CDH13: variants seen among roughly 807,000 people sequenced by gnomAD.
The protein encoded by CDH13 is cadherin 13.
CDH13 carries 24 observed loss-of-function variants against 63.8 expected under a neutral mutation model. The observed-to-expected ratio is 0.38, with a 90% CI of 0.27 to 0.53. CDH13 has a LOEUF of 0.53. CDH13 is among the 20% of genes least tolerant of loss of function. The pLI, the probability that CDH13 is intolerant of heterozygous loss-of-function variation, is 0.85. For missense variants in CDH13, 1,049 were observed against 903.1 expected (o/e 1.16, Z -2.07); for synonymous variants, 503 against 355.3 (o/e 1.42, Z -4.67).
At chr16:83,414,759 G>C (rs1294378974) in intron 6 of CDH13, among the ~76,000 whole-genome samples, 7 of 152,132 alleles carry the variant, frequency 4.6e-5, no homozygotes, top group African/African-American at 1.7e-4. Flanking sequence ...TCCTTCACTT[G>C]TGAGGTTGAA....
At chr16:83,687,312 T>C (rs1598480118) in intron 10 of CDH13, among the ~76,000 whole-genome samples, 1 of 152,306 alleles carries the variant, frequency 6.6e-6, no homozygotes, top group South Asian at 2.1e-4. Flanking sequence ...GATTTAATTG[T>C]CTCATGGCTC....
intron 2 of CDH13, among the ~76,000 whole-genome samples, chr16:83,030,741 T>C (rs1274613961): frequency 6.6e-6 from 1 of 151,140 alleles, no homozygotes; most frequent in East Asian, 1.9e-4. Context: ...ACACCTGATC[T>C]TGACTCTCTC....
chr16:82,997,915 C>T (rs919221532), intron 2 of CDH13, among the ~76,000 whole-genome samples: 4 of 152,152 alleles, frequency 2.6e-5, no homozygotes, highest in African/African-American at 9.7e-5. Flanking sequence ...TAGTAGAACT[C>T]TAAGAATGTG....
intron 7 of CDH13, among the ~76,000 whole-genome samples, chr16:83,547,373 A>G (rs2075404807): frequency 6.6e-6 from 1 of 152,172 alleles, no homozygotes; most frequent in Admixed American, 6.5e-5. Flanking sequence ...AACTCATGCC[A>G]TGGGGGTTTG....
intron 5 of CDH13, among the ~76,000 whole-genome samples, chr16:83,252,554 G>T (rs1046093556): frequency 6.6e-6 from 1 of 152,052 alleles, no homozygotes; most frequent in South Asian, 2.1e-4. Flanking sequence ...GGGGGCTTAG[G>T]CTGAGCCAAG....
rs576249290 is a variant in CDH13 at position 83,418,625 on chromosome 16, T to A, written c.782-67852T>A. Among the ~76,000 whole-genome samples, 147 of 152,258 alleles carry A rather than the reference T, an allele frequency of 9.7e-4. No individual in the cohort carries two copies. The Middle Eastern group carries it at 0.014, about 14-fold the overall frequency. On this transcript the variant is annotated intron_variant, in intron 6 of 13. Transcript: ENST00000567109. ...AACCAGGATTCTGTCCAAGAACTCC[T>A]TTGATGAGGAAGTGTTGCTAGAACT...
At chr16:83,669,962 G>A (rs1423750801) in intron 8 of CDH13, among the ~76,000 whole-genome samples, 2 of 152,160 alleles carry the variant, frequency 1.3e-5, no homozygotes, top group African/African-American at 2.4e-5. Flanking sequence ...GCTAATGAAA[G>A]CTCATGAAAT....
At chr16:82,965,305 C>T (rs1567700764) in intron 2 of CDH13, among the ~76,000 whole-genome samples, 1 of 152,210 alleles carries the variant, frequency 6.6e-6, no homozygotes, top group African/African-American at 2.4e-5. Context: ...GAATGCTCTT[C>T]TGAGCTTGGA....
At position 82,867,125 on chromosome 16, in the gene CDH13, T is replaced by C. The variant is rs139049781; in HGVS notation, c.157+8652T>C. ...AACAGCTCTTAGGGGAAAGGTACTCTCATCTGCCCATTTTACAGGTGAGGA... is the reference window on the plus strand; with the variant it reads ...AACAGCTCTTAGGGGAAAGGTACTCCCATCTGCCCATTTTACAGGTGAGGA... On this transcript the variant is annotated intron_variant, in intron 2 of 13. Transcript: ENST00000567109. Among the ~76,000 whole-genome samples the C allele has an allele frequency of 1.7e-3, 258 of 152,330 alleles. 3 individuals are homozygous for C. Among genetic ancestry groups the C allele is most frequent in the Non-Finnish European group, 1.3e-3 (90 of 68,030 alleles).
chr16:82,689,982 TAAAAAAAAAAAAAAAAAAAAAAA>T (rs71146085), intron 1 of CDH13, among the ~76,000 whole-genome samples: 1 of 15,772 alleles, frequency 6.3e-5, no homozygotes, highest in African/African-American at 2.3e-4. Context: ...CCATCTCTAC[TAAAAAAAAAAAAAAAAAAAAAAA>T]AAAAAAAAAA....
chr16:83,566,672 C>A (rs907318148), intron 7 of CDH13, among the ~76,000 whole-genome samples: 8 of 152,154 alleles, frequency 5.3e-5, no homozygotes, highest in African/African-American at 1.9e-4. Flanking sequence ...GTTCTGGTCA[C>A]TCTCAGGCAA....
intron 2 of CDH13, among the ~76,000 whole-genome samples, chr16:82,910,280 G>A (rs1030687994): frequency 6.6e-6 from 1 of 152,132 alleles, no homozygotes; most frequent in Non-Finnish European, 1.5e-5. Flanking sequence ...TATTCTGGCC[G>A]ATACTCATAG....
At chr16:82,815,519 G>A (rs1479417749) in intron 1 of CDH13, among the ~76,000 whole-genome samples, 1 of 152,160 alleles carries the variant, frequency 6.6e-6, no homozygotes, top group Non-Finnish European at 1.5e-5. Context: ...CTACATGGGA[G>A]ATATTATTTC....
intron 5 of CDH13, among the ~76,000 whole-genome samples, chr16:83,288,061 T>C (rs993635333): frequency 6.6e-6 from 1 of 152,258 alleles, no homozygotes; most frequent in Non-Finnish European, 1.5e-5. Flanking sequence ...GTATCCTGTC[T>C]GTATTTAAAA....
At chr16:83,022,996 C>G (rs899942094) in intron 2 of CDH13, 1 of 152,182 alleles carries the variant, frequency 6.6e-6, no homozygotes, top group African/African-American at 2.4e-5. Flanking sequence ...TTAATTTTCT[C>G]CCTTATCCAT....
intron 1 of CDH13, among the ~76,000 whole-genome samples, chr16:82,816,648 A>G (rs1486211149): frequency 2.6e-5 from 4 of 152,070 alleles, no homozygotes; most frequent in Non-Finnish European, 4.4e-5. Flanking sequence ...AGGAAGCCCA[A>G]GGAGGTCATC....
chr16:83,557,839 G>C (rs895838562), intron 7 of CDH13, among the ~76,000 whole-genome samples: 1 of 152,116 alleles, frequency 6.6e-6, no homozygotes, highest in African/African-American at 2.4e-5. Context: ...TGAGTAGAGA[G>C]GCAATTAGGG....
At chr16:82,963,576 C>G (rs1321467668) in intron 2 of CDH13, among the ~76,000 whole-genome samples, 1 of 152,142 alleles carries the variant, frequency 6.6e-6, no homozygotes, top group Non-Finnish European at 1.5e-5. Context: ...CCTTATATAA[C>G]TGTCATTATA....
At chr16:83,468,767 A>T (rs968021431) in intron 6 of CDH13, among the ~76,000 whole-genome samples, 14 of 152,096 alleles carry the variant, frequency 9.2e-5, no homozygotes, top group Non-Finnish European at 1.9e-4. Flanking sequence ...AGTTTTTAAA[A>T]TTTTATTTTA....
Sources: allele counts gnomAD v4.1 joint callset (sites outside exome capture counted in the v4.1 genomes callset), GRCh38; gene constraint gnomAD v4.1.1; transcripts MANE v1.5; gene names NCBI Gene and HGNC (gene_info 2026-07-23, HGNC 2026-07-21).